ANK1: variants seen among roughly 807,000 people sequenced by gnomAD.
The protein encoded by ANK1 is ankyrin 1.
Under a neutral mutation model 210.4 loss-of-function variants are expected in ANK1, and 51 were observed. That is an observed-to-expected ratio of 0.24 (90% CI 0.19 to 0.31). The LOEUF (loss-of-function observed/expected upper bound fraction) is 0.31, where lower values mean the gene tolerates loss of function less well. Among genes scored for constraint, ANK1 ranks in the 10% least tolerant of loss-of-function variants. The probability of loss-of-function intolerance (pLI) is 1.00; values close to 1 mark genes in which losing one functional copy is unlikely to be tolerated. For missense variants in ANK1, 2,051 were observed against 2,504.4 expected, an observed-to-expected ratio of 0.82 and a Z score of 3.86; for synonymous variants, 967 against 1,025.9, an observed-to-expected ratio of 0.94 and a Z score of 1.10.
At chr8:41,808,894 G>A (rs534815461) in intron 1 of ANK1, among the ~76,000 whole-genome samples, 87 of 152,150 alleles carry the variant, frequency 5.7e-4, no homozygotes, top group African/African-American at 2.0e-3. Context: ...GGCCTTATTG[G>A]GCATTATAGA....
intron 37 of ANK1, among the ~76,000 whole-genome samples, chr8:41,682,273 C>T (rs982712300): frequency 6.6e-6 from 1 of 152,166 alleles, no homozygotes; most frequent in Non-Finnish European, 1.5e-5. Context: ...TCAGTGCCGA[C>T]GCATGGCTCC....
chr8:41,765,167 TCTTTTC>T (rs1048640082), intron 1 of ANK1, among the ~76,000 whole-genome samples: 2 of 136,820 alleles, frequency 1.5e-5, no homozygotes, highest in African/African-American at 5.3e-5. Flanking sequence ...TCCTTTCCTT[TCTTTTC>T]CTTTCTTTCT....
intron 2 of ANK1, among the ~76,000 whole-genome samples, chr8:41,755,500 C>T (rs902597260): frequency 1.3e-5 from 2 of 152,210 alleles, no homozygotes; most frequent in Non-Finnish European, 2.9e-5. Flanking sequence ...AACACATCTG[C>T]AATTCTCCAG....
intron 1 of ANK1, among the ~76,000 whole-genome samples, chr8:41,863,638 G>C (rs1348355078): frequency 3.3e-5 from 5 of 152,214 alleles, no homozygotes; most frequent in African/African-American, 1.2e-4. Context: ...GTTGGTTAAA[G>C]CCTAAGCTGG....
intron 9 of ANK1, among the ~76,000 whole-genome samples, chr8:41,720,078 G>A (rs1455892394): frequency 6.6e-6 from 1 of 152,188 alleles, no homozygotes; most frequent in African/African-American, 2.4e-5. Context: ...ATGTCCAGCA[G>A]ACCCACCTCT....
chr8:41,765,644 A>G (rs918668302), intron 1 of ANK1, among the ~76,000 whole-genome samples: 3 of 152,174 alleles, frequency 2.0e-5, no homozygotes, highest in African/African-American at 7.2e-5. Context: ...GTCAGGAGAA[A>G]GGGAATGGAA....
At chr8:41,759,536 A>C (rs1408182785) in intron 1 of ANK1, among the ~76,000 whole-genome samples, 1 of 152,242 alleles carries the variant, frequency 6.6e-6, no homozygotes, top group African/African-American at 2.4e-5. Context: ...AAAACCCAGT[A>C]ATACAGAAAA....
chr8:41,679,624 G>A (rs1298822429), intron 37 of ANK1, among the ~76,000 whole-genome samples: 2 of 144,272 alleles, frequency 1.4e-5, no homozygotes, highest in Non-Finnish European at 3.0e-5. Context: ...GTGCAGTGGC[G>A]CAATCTCGGC....
intron 1 of ANK1, among the ~76,000 whole-genome samples, chr8:41,846,630 T>C (rs1055420075): frequency 8.5e-5 from 13 of 152,242 alleles, no homozygotes; most frequent in East Asian, 1.9e-4. Context: ...CCAAAACACA[T>C]TGAGTCTCTT....
At chr8:41,772,838 C>G (rs556897011) in intron 1 of ANK1, among the ~76,000 whole-genome samples, 28 of 152,266 alleles carry the variant, frequency 1.8e-4, no homozygotes, top group African/African-American at 6.3e-4. Flanking sequence ...CTCCTAGAGA[C>G]TCTGGGCACC....
At chr8:41,847,370 G>A (rs1810260195) in intron 1 of ANK1, among the ~76,000 whole-genome samples, 1 of 152,196 alleles carries the variant, frequency 6.6e-6, no homozygotes, top group African/African-American at 2.4e-5. Flanking sequence ...CATCTTGTCT[G>A]CACACATTTC....
intron 1 of ANK1, among the ~76,000 whole-genome samples, chr8:41,839,659 G>A (rs1384605890): frequency 2.0e-5 from 3 of 152,130 alleles, no homozygotes. Flanking sequence ...CTTCACCAAT[G>A]ACTTATGACA....
rs1209808599 is a variant in ANK1, at chr8:41,686,204, C to T, written c.4338G>A (p.Gln1446=). Residue 1446 remains glutamine (Q), a synonymous_variant, in exon 36 of 43, where the codon CAG becomes CAA. Coordinates refer to ENST00000289734, the MANE Select transcript of ANK1 (RefSeq NM_000037.4). The part of the protein sequence containing the change: ...RVENPNSLLE[Q]SVALLNLWVI... The stretch of plus-strand genomic sequence containing the variant: ...CCCAGAGGTTCAGCAAGGCCACACT[C>T]TGCTCCAACAGGGAGTTGGGATTTT... 6.2e-7 allele frequency: 1 copy of T among 1,614,252 alleles called. No individual in the cohort carries two copies.
chr8:41,891,251 G>A (rs953069487), intron 1 of ANK1, among the ~76,000 whole-genome samples: 4 of 151,864 alleles, frequency 2.6e-5, no homozygotes, highest in African/African-American at 9.7e-5. Flanking sequence ...CATTTTTATT[G>A]TGAAAATAGG....
rs1234614910 is a variant in ANK1, at chr8:41,889,496, GAGA to G, written c.126+6856_126+6858del. On this transcript the variant is annotated intron_variant, in intron 1 of 42. Transcript: ENST00000265709. ...TTGGTAAAAACACAGGGAAATCTTTGAGAAGAAGAGTCCAGTCACATTGGAAGC... is the reference window on the plus strand; with the variant it reads ...TTGGTAAAAACACAGGGAAATCTTTGAGAAGAGTCCAGTCACATTGGAAGC... 4.6e-5 allele frequency among the ~76,000 whole-genome samples: 7 copies of G among 152,224 alleles called. No individual in the cohort carries two copies. In the East Asian group the frequency reaches 7.7e-4, roughly 17 times the overall value.
intron 10 of ANK1, among the ~76,000 whole-genome samples, chr8:41,718,623 T>C (rs1048537782): frequency 2.0e-5 from 3 of 152,214 alleles, no homozygotes; most frequent in African/African-American, 7.2e-5. Flanking sequence ...AAGTGTGATA[T>C]ACTCTGAATG....
chr8:41,717,654 T>G lies in ANK1; in HGVS notation c.1255A>C (p.Ile419Leu). Reference protein sequence around the residue: ...HVASFMGHLPIVKNLLQRGAS... With the variant: ...HVASFMGHLPLVKNLLQRGAS... ...CCCCGCTGCAGGAGGTTCTTCACGA[T>G]GGGAAGGTGCCCCATGAAGGAGGCC... The change falls in exon 12 of 43, where the codon ATC becomes CTC. Residue 419 changes from isoleucine (I) to leucine (L), a missense_variant. Transcript: ENST00000289734. The G allele has an allele frequency of 6.4e-7, 1 of 1,551,644 alleles. No homozygotes were observed.
chr8:41,690,165 T>C lies in ANK1; in HGVS notation c.4104+62A>G, dbSNP rs7835812. On this transcript the variant is annotated intron_variant, in intron 33 of 42. Transcript: ENST00000289734. ...TTGGAAGTGCTGGACCTGGGGTCTG[T>C]TTGGGGACCTCCTACAGGGAAGCCG... 122,326 of 1,611,786 alleles carry C rather than the reference T, an allele frequency of 0.076. 11,394 individuals carry two copies. The highest frequency in any genetic ancestry group is 0.48 in the African/African-American group (35,809 of 74,868).
At position 41,797,578 on chromosome 8, in the gene ANK1, G is replaced by C. The variant is rs370353275; in HGVS notation, c.-40C>G. ...AGGGGCCCGCCGAAGGGCCTTGGGGGCTTGAGGAGGAGCAGCTGGGGCTGG... is the reference window on the plus strand; with the variant it reads ...AGGGGCCCGCCGAAGGGCCTTGGGGCCTTGAGGAGGAGCAGCTGGGGCTGG... On this transcript the variant is annotated 5_prime_UTR_variant, in exon 1 of 43. Transcript: ENST00000289734. This position sits in a 1 kb window ranked among gnomAD's most constrained non-coding sequence, Gnocchi z 4.0. The C allele has an allele frequency of 1.2e-6, 2 of 1,611,708 alleles. No homozygotes were observed. The highest frequency in any genetic ancestry group is 1.7e-6 in the Non-Finnish European group (2 of 1,179,392).
Sources: allele counts gnomAD v4.1 joint callset (sites outside exome capture counted in the v4.1 genomes callset), GRCh38; gene constraint gnomAD v4.1.1; non-coding constraint Gnocchi (gnomAD v3.1); transcripts MANE v1.5; gene names NCBI Gene and HGNC (gene_info 2026-07-23, HGNC 2026-07-21).